Variants in RASEF observed in about 807,000 individuals in gnomAD.
The protein encoded by RASEF is RAS and EF-hand domain containing, also known as ras and EF-hand domain-containing protein.
Under a neutral mutation model 90.1 loss-of-function variants are expected in RASEF, and 68 were observed. The observed-to-expected ratio is 0.75, with a 90% CI of 0.62 to 0.92. The LOEUF (loss-of-function observed/expected upper bound fraction) is 0.92, where lower values mean the gene tolerates loss of function less well. Ranked by LOEUF, RASEF falls within the 40% of genes least tolerant of loss-of-function variation. The probability of loss-of-function intolerance (pLI) is 0.00; values close to 1 mark genes in which losing one functional copy is unlikely to be tolerated. For synonymous variants in RASEF, 331 were observed against 345.2 expected (o/e 0.96, Z 0.46); for missense variants, 949 against 937.2 (o/e 1.01, Z -0.16).
upstream of RASEF, among the ~76,000 whole-genome samples, chr9:83,065,155 A>G (rs1830272999): frequency 6.6e-6 from 1 of 152,192 alleles, no homozygotes; most frequent in Non-Finnish European, 1.5e-5. Context: ...TATTTCTACC[A>G]ATATTAATAT....
At chr9:82,989,251 T>G (rs1405649861) in intron 16 of RASEF, among the ~76,000 whole-genome samples, 1 of 152,182 alleles carries the variant, frequency 6.6e-6, no homozygotes, top group Non-Finnish European at 1.5e-5. Flanking sequence ...TGTGTATATC[T>G]TTTTTTAAAT....
the RASEF span, among the ~76,000 whole-genome samples, chr9:83,214,919 T>C: frequency 2.0e-5 from 3 of 151,916 alleles, no homozygotes; most frequent in Non-Finnish European, 4.4e-5. Context: ...TAGGCATTCC[T>C]GTTTTTGCAC....
In RASEF at chr9:83,062,784, C is replaced by A; in HGVS notation, c.84G>T (p.Leu28=). Residue 28 remains leucine, a synonymous_variant, in exon 1 of 17, where the codon CTG becomes CTT. Transcript: ENST00000376447. ...AACDANRSGR[L]EREEFRALCT... ...ACAGTGCCCGGAACTCCTCGCGCTC[C>A]AGGCGCCCCGAGCGGTTCGCGTCGC... is the stretch of plus-strand genomic sequence containing the variant. 1 of 1,557,660 alleles carries A rather than the reference C, an allele frequency of 6.4e-7. No homozygotes were observed. Among genetic ancestry groups the A allele is most frequent in the South Asian group, 1.2e-5 (1 of 85,294 alleles).
At chr9:83,156,019 GAAT>G in the RASEF span, among the ~76,000 whole-genome samples, 2 of 152,098 alleles carry the variant, frequency 1.3e-5, no homozygotes, top group African/African-American at 4.8e-5. Flanking sequence ...GAAAACATAA[GAAT>G]AATATCTCTT....
chr9:83,192,277 T>G, the RASEF span, among the ~76,000 whole-genome samples: 1 of 152,176 alleles, frequency 6.6e-6, no homozygotes, highest in Non-Finnish European at 1.5e-5. Context: ...GCAGCACTAT[T>G]CACAATAGCA....
chr9:83,001,585 T>C (rs1219404768), intron 9 of RASEF, among the ~76,000 whole-genome samples: 1 of 152,172 alleles, frequency 6.6e-6, no homozygotes, highest in Non-Finnish European at 1.5e-5. Context: ...GCAACCACAA[T>C]GTCAGACTCA....
the RASEF span, among the ~76,000 whole-genome samples, chr9:83,069,376 T>C: frequency 6.6e-6 from 1 of 152,174 alleles, no homozygotes; most frequent in African/African-American, 2.4e-5. Flanking sequence ...TCTTGCTCAA[T>C]ATAGATTTAA....
At chr9:83,100,031 G>A in the RASEF span, among the ~76,000 whole-genome samples, 237 of 152,214 alleles carry the variant, frequency 1.6e-3, 4 homozygotes, top group African/African-American at 4.6e-3. Flanking sequence ...AGAGTTTTTC[G>A]TGCATTAAAA....
the RASEF span, among the ~76,000 whole-genome samples, chr9:83,213,092 T>TAAA: frequency 0.058 from 8,090 of 138,452 alleles, 280 homozygotes; most frequent in Middle Eastern, 0.088. Context: ...TGCACACGTT[T>TAAA]TAAAAAAAAA....
Position 83,012,436 on chromosome 9 carries a change from T to C in RASEF, c.841A>G (p.Met281Val), listed in dbSNP as rs112654138. Residue 281 changes from methionine (M) to valine (V), a missense_variant and splice_region_variant, in exon 5 of 17, where the codon ATG becomes GTG. By Grantham distance (21) the Met-to-Val change is conservative (BLOSUM62 1). This residue lies in a region of RASEF where 656 missense variants were observed against 592.2 expected (regional missense o/e 1.11). Transcript: ENST00000376447. ...GTAAGTGAAAAGGTAATTCTTACCATTGATAAATCATAAATTTGTTTTTTC... is the reference window on the plus strand; with the variant it reads ...GTAAGTGAAAAGGTAATTCTTACCACTGATAAATCATAAATTTGTTTTTTC... ...ALKKQIYDLS[M>V]ENQKVKKDLL... 5.2e-6 allele frequency: 8 copies of C among 1,534,476 alleles called. No homozygotes were observed. The highest frequency in any genetic ancestry group is 1.4e-5 in the African/African-American group (1 of 72,166).
chr9:83,090,407 A>G, the RASEF span, among the ~76,000 whole-genome samples: 2 of 148,846 alleles, frequency 1.3e-5, no homozygotes, highest in South Asian at 4.3e-4. Context: ...TATGAGCCAT[A>G]CTTTTTTTTT....
the RASEF span, among the ~76,000 whole-genome samples, chr9:83,149,915 A>G: frequency 6.6e-6 from 1 of 152,174 alleles, no homozygotes; most frequent in African/African-American, 2.4e-5. Context: ...TTCTAACACT[A>G]ACTACCAGGA....
At chr9:83,094,764 GCACTTC>G in the RASEF span, among the ~76,000 whole-genome samples, 8 of 152,270 alleles carry the variant, frequency 5.3e-5, no homozygotes, top group African/African-American at 1.7e-4. Flanking sequence ...TCTTGGGTTG[GCACTTC>G]CAGTTATTAA....
chr9:83,165,262 A>T, the RASEF span, among the ~76,000 whole-genome samples: 1 of 152,106 alleles, frequency 6.6e-6, no homozygotes, highest in Non-Finnish European at 1.5e-5. Context: ...TGGGCCATAG[A>T]ACATACCTTA....
rs1374611752 is a variant in RASEF, at chr9:83,048,608, C to T, written c.431+13829G>A. The T allele has an allele frequency of 7.1e-5, 70 of 985,148 alleles. No homozygotes were observed. The South Asian group carries it at 1.7e-3, about 24-fold the overall frequency. The allele number at this position is 985,148 out of a possible 1,614,324, so 61.0% of individuals were successfully genotyped here. A position where few individuals can be genotyped will look rare whatever the true frequency, so the allele number is the denominator to read the frequency against. ...AATGAATGAAAAATAGGAAAAAGGGCGAGAAGAGTTTCTTCTGTGGGAAAA... is the reference window on the plus strand; with the variant it reads ...AATGAATGAAAAATAGGAAAAAGGGTGAGAAGAGTTTCTTCTGTGGGAAAA... On this transcript the variant is annotated intron_variant, in intron 1 of 16. Coordinates refer to ENST00000376447, the MANE Select transcript of RASEF (RefSeq NM_152573.4).
chr9:82,993,509 C>T (rs1828853395), intron 14 of RASEF, among the ~76,000 whole-genome samples: 1 of 152,180 alleles, frequency 6.6e-6, no homozygotes, highest in Admixed American at 6.5e-5. Context: ...ATAGTGATCA[C>T]AAGCCAAGTT....
At chr9:83,080,916 A>C in the RASEF span, among the ~76,000 whole-genome samples, 6 of 152,142 alleles carry the variant, frequency 3.9e-5, no homozygotes, top group Non-Finnish European at 8.8e-5. Context: ...AGGGATAACC[A>C]CCTTTTCTTA....
chr9:83,107,935 G>C, the RASEF span, among the ~76,000 whole-genome samples: 1 of 152,100 alleles, frequency 6.6e-6, no homozygotes, highest in Non-Finnish European at 1.5e-5. Flanking sequence ...AAATACAGAT[G>C]AATCTCAAAA....
the RASEF span, among the ~76,000 whole-genome samples, chr9:83,108,000 A>G: frequency 6.6e-6 from 1 of 152,342 alleles, no homozygotes; most frequent in Admixed American, 6.5e-5. Flanking sequence ...CTATAATCCC[A>G]TTTAAATCAA....
Sources: allele counts gnomAD v4.1 joint callset (sites outside exome capture counted in the v4.1 genomes callset), GRCh38; gene constraint gnomAD v4.1.1; regional missense constraint gnomAD v4.1.1; transcripts MANE v1.5; gene names NCBI Gene and HGNC (gene_info 2026-07-23, HGNC 2026-07-21).